Variants in TERB1 observed in about 807,000 individuals in gnomAD.
TERB1 encodes telomere repeat binding bouquet formation protein 1, also known as telomere repeats-binding bouquet formation protein 1.
Under a neutral mutation model 92.3 loss-of-function variants are expected in TERB1, and 63 were observed. The ratio of observed to expected loss-of-function variants is 0.68; its 90% confidence interval spans 0.56 to 0.84. The LOEUF (loss-of-function observed/expected upper bound fraction) is 0.84, where lower values mean the gene tolerates loss of function less well. Among genes scored for constraint, TERB1 ranks in the 40% least tolerant of loss-of-function variants. TERB1 has a pLI of 0.00. For missense variants in TERB1, 709 were observed against 843.7 expected (o/e 0.84, Z 1.98); for synonymous variants, 252 against 283.9 (o/e 0.89, Z 1.13).
chr16:66,778,296 G>A (rs529282561), intron 10 of TERB1, among the ~76,000 whole-genome samples: 5 of 151,556 alleles, frequency 3.3e-5, no homozygotes, highest in South Asian at 2.1e-4. Flanking sequence ...ATGGAGTCTC[G>A]ATATGTTGAC....
intron 3 of TERB1, among the ~76,000 whole-genome samples, chr16:66,795,674 T>C (rs558524476): frequency 1.3e-5 from 2 of 152,218 alleles, no homozygotes; most frequent in Non-Finnish European, 2.9e-5. Flanking sequence ...CTCCACAATC[T>C]CCATTCCCTC....
intron 6 of TERB1, among the ~76,000 whole-genome samples, chr16:66,787,618 T>G (rs985858974): frequency 3.9e-5 from 6 of 152,196 alleles, no homozygotes; most frequent in South Asian, 2.1e-4. Context: ...AACTAAATGG[T>G]CAATTCAGCA....
intron 16 of TERB1, among the ~76,000 whole-genome samples, chr16:66,760,553 T>A (rs899899305): frequency 1.7e-5 from 2 of 120,950 alleles, no homozygotes; most frequent in Non-Finnish European, 3.3e-5. Flanking sequence ...TTTGGGAGGC[T>A]GAGGCGGGCT....
intron 18 of TERB1, among the ~76,000 whole-genome samples, chr16:66,756,847 T>C (rs1010467066): frequency 6.6e-6 from 1 of 152,306 alleles, no homozygotes; most frequent in East Asian, 1.9e-4. Flanking sequence ...GTGACTTCTT[T>C]AGTGCTCCTT....
rs1490798571 is a variant in TERB1, at chr16:66,788,234, T to TTAGA, written c.331_334dup (p.Asn112IlefsTer2). 2 of 1,513,496 alleles carry TTAGA rather than the reference T, an allele frequency of 1.3e-6. No homozygotes were observed. Among genetic ancestry groups the TTAGA allele is most frequent in the African/African-American group, 2.8e-5 (2 of 70,916 alleles). The allele number at this position is 1,513,496 out of a possible 1,614,324, so 93.8% of individuals were successfully genotyped here. On this transcript the variant is annotated stop_gained and frameshift_variant, in exon 6 of 19. Transcript: ENST00000433154. LOFTEE classifies it high-confidence loss of function. ...TCTTTTCAAATTTATGTTTGAATCA[T>TTAGA]TAGATAAGAACCAAGTTAAGTCTTC...
At chr16:66,789,184 C>T (rs377405521) in intron 5 of TERB1, among the ~76,000 whole-genome samples, 8 of 151,612 alleles carry the variant, frequency 5.3e-5, no homozygotes, top group African/African-American at 1.5e-4. Context: ...GGATGGAAAC[C>T]CCATTCTCCA....
intron 9 of TERB1, among the ~76,000 whole-genome samples, chr16:66,784,853 C>T (rs1189586764): frequency 6.7e-6 from 1 of 149,380 alleles, no homozygotes; most frequent in Non-Finnish European, 1.5e-5. Context: ...CTCCTGCCTC[C>T]GCCTCCTGAG....
chr16:66,756,981 CTG>C (rs2145036248), intron 18 of TERB1, among the ~76,000 whole-genome samples: 1 of 152,286 alleles, frequency 6.6e-6, no homozygotes, highest in East Asian at 1.9e-4. Context: ...TTGGGGAAAT[CTG>C]TAAATGCTTA....
At chr16:66,774,525 A>G (rs2145146767) in intron 12 of TERB1, among the ~76,000 whole-genome samples, 1 of 152,210 alleles carries the variant, frequency 6.6e-6, no homozygotes, top group African/African-American at 2.4e-5. Context: ...ATGATTTAAC[A>G]ATAAGTAACC....
intron 11 of TERB1, among the ~76,000 whole-genome samples, chr16:66,776,667 A>C (rs1302088049): frequency 6.6e-6 from 1 of 152,002 alleles, no homozygotes; most frequent in Admixed American, 6.6e-5. Context: ...GAGAATTGGT[A>C]AGAAGGAGTA....
At chr16:66,784,705 A>G (rs537572430) in intron 9 of TERB1, among the ~76,000 whole-genome samples, 122 of 151,352 alleles carry the variant, frequency 8.1e-4, no homozygotes, top group African/African-American at 2.9e-3. Flanking sequence ...ATTTCCCTCT[A>G]AACACTGTTT....
intron 11 of TERB1, among the ~76,000 whole-genome samples, chr16:66,775,479 C>G (rs967872958): frequency 1.3e-5 from 2 of 151,718 alleles, no homozygotes; most frequent in Non-Finnish European, 2.9e-5. Context: ...ATAAAAAATA[C>G]AAAAATTAGC....
intron 2 of TERB1, among the ~76,000 whole-genome samples, chr16:66,798,384 G>A (rs1959211452): frequency 6.6e-6 from 1 of 151,998 alleles, no homozygotes; most frequent in South Asian, 2.1e-4. Flanking sequence ...ATTTTGCTAT[G>A]TTGCCCAGAC....
chr16:66,797,557 A>T (rs1489974945), intron 2 of TERB1, among the ~76,000 whole-genome samples: 1 of 148,606 alleles, frequency 6.7e-6, no homozygotes, highest in East Asian at 2.0e-4. Context: ...TATTTTCTTC[A>T]TGGAAATCTT....
At chr16:66,785,021 CTTT>C (rs76944260) in intron 9 of TERB1, among the ~76,000 whole-genome samples, 3 of 118,232 alleles carry the variant, frequency 2.5e-5, no homozygotes, top group Middle Eastern at 5.7e-3. Flanking sequence ...CTGCGTCTGG[CTTT>C]TTTTTTTTTT....
intron 9 of TERB1, among the ~76,000 whole-genome samples, chr16:66,781,588 T>C (rs534572901): frequency 6.6e-6 from 1 of 150,468 alleles, no homozygotes; most frequent in Non-Finnish European, 1.5e-5. Context: ...GGCGCAATCT[T>C]GGCTCACTGC....
At position 66,797,623 on chromosome 16, in the gene TERB1, C is replaced by CCACACACACACACA. The variant is rs71145942; in HGVS notation, c.-32-807_-32-794dup. Among the ~76,000 whole-genome samples the CCACACACACACACA allele has an allele frequency of 2.6e-3, 360 of 140,940 alleles. 2 individuals carry two copies. Among genetic ancestry groups the CCACACACACACACA allele is most frequent in the African/African-American group, 7.6e-3 (287 of 37,768 alleles). The allele number at this position is 140,940 out of a possible 152,430, so 92.5% of individuals were successfully genotyped here. A position where few individuals can be genotyped will look rare whatever the true frequency, so the allele number is the denominator to read the frequency against. ...TACCTAAGAGAGGTTTAAAAACACA[C>CCACACACACACACA]CACACACACACACACACACACACAC... On this transcript the variant is annotated intron_variant, in intron 2 of 18. Transcript: ENST00000433154.
chr16:66,758,800 T>C lies in TERB1; in HGVS notation c.1969A>G (p.Asn657Asp), dbSNP rs1318988896. 1.3e-6 allele frequency: 2 copies of C among 1,536,668 alleles called. No individual in the cohort carries two copies. Among genetic ancestry groups the C allele is most frequent in the Non-Finnish European group, 1.8e-6 (2 of 1,138,590 alleles). Residue 657 changes from asparagine to aspartate, a missense_variant, in exon 18 of 19, where the codon AAT becomes GAT. Asn to Asp is a conservative substitution (Grantham distance 23). Transcript: ENST00000433154. Reference sequence around the variant, plus strand: ...ATTCCTCCAGGGGTAGTAGATTCATTACTGAGTCGTTGTCTTCTACGTGGG... The same window carrying C: ...ATTCCTCCAGGGGTAGTAGATTCATCACTGAGTCGTTGTCTTCTACGTGGG... ...LTPRRRQRLSNESTTPGGIKK... is the reference protein window; with the variant it reads ...LTPRRRQRLSDESTTPGGIKK...
intron 10 of TERB1, among the ~76,000 whole-genome samples, chr16:66,778,089 T>C (rs2018578098): frequency 1.3e-5 from 2 of 152,190 alleles, no homozygotes; most frequent in African/African-American, 4.8e-5. Flanking sequence ...TCTTCAGTGT[T>C]TGCGCATGTG....
Sources: gnomAD v4.1 joint callset for allele counts (sites outside exome capture counted in the v4.1 genomes callset) on GRCh38, gnomAD v4.1.1 for gene constraint, MANE v1.5 for transcripts, NCBI Gene and HGNC (gene_info 2026-07-23, HGNC 2026-07-21) for gene names.